The following STK32A variants were observed in gnomAD, a reference collection of about 807,000 sequenced individuals.
STK32A encodes serine/threonine kinase 32A.
STK32A carries 41 observed loss-of-function variants against 53.2 expected under a neutral mutation model. The observed-to-expected ratio is 0.77, with a 90% CI of 0.60 to 1.00. The LOEUF (loss-of-function observed/expected upper bound fraction) is 1.00. Ranked by LOEUF, STK32A falls within the 50% of genes least tolerant of loss-of-function variation. The pLI is 0.00. For synonymous variants in STK32A, 166 were observed against 162.8 expected, an observed-to-expected ratio of 1.02 and a Z score of -0.15; for missense variants, 458 against 485.8, an observed-to-expected ratio of 0.94 and a Z score of 0.54.
rs867798748 is a variant in STK32A at position 147,386,229 on chromosome 5, C to A, written c.*2246C>A. The A allele has an allele frequency of 2.0e-5, 3 of 152,148 alleles. No homozygotes were observed. Among genetic ancestry groups the A allele is most frequent in the South Asian group, 2.1e-4 (1 of 4,822 alleles). The allele number at this position is 152,148 out of a possible 1,614,324, so 9.4% of individuals were successfully genotyped here. A position where few individuals can be genotyped will look rare whatever the true frequency, so the allele number is the denominator to read the frequency against. Reference sequence around the variant, plus strand: ...AAACACTATAAACTTGAAGCAATTGCCCTGACTCGATTTCAGAGAAGGGGA... The same window carrying A: ...AAACACTATAAACTTGAAGCAATTGACCTGACTCGATTTCAGAGAAGGGGA... On this transcript the variant is annotated 3_prime_UTR_variant, in exon 13 of 13. Transcript: ENST00000397936.
chr5:147,346,273 T>C (rs1274509608), intron 6 of STK32A, among the ~76,000 whole-genome samples: 1 of 152,170 alleles, frequency 6.6e-6, no homozygotes, highest in African/African-American at 2.4e-5. Context: ...TCTCCATTTA[T>C]AATATTTCAT....
chr5:147,371,166 C>A (rs1233558025), intron 9 of STK32A, among the ~76,000 whole-genome samples: 1 of 152,082 alleles, frequency 6.6e-6, no homozygotes, highest in African/African-American at 2.4e-5. Context: ...TCTCTGTCCT[C>A]ACTACTATTT....
intron 2 of STK32A, among the ~76,000 whole-genome samples, chr5:147,267,826 T>C (rs1274106645): frequency 6.6e-6 from 1 of 152,186 alleles, no homozygotes; most frequent in Non-Finnish European, 1.5e-5. Flanking sequence ...TGACCTCCTC[T>C]GCCTGGCTAC....
At chr5:147,353,536 C>T (rs578213390) in intron 7 of STK32A, among the ~76,000 whole-genome samples, 23 of 152,098 alleles carry the variant, frequency 1.5e-4, no homozygotes, top group Admixed American at 4.6e-4. Context: ...CCGAGGCAGG[C>T]GGATCACAAG....
chr5:147,388,802 T>G (rs1757731816), downstream of STK32A, among the ~76,000 whole-genome samples: 1 of 152,190 alleles, frequency 6.6e-6, no homozygotes. Flanking sequence ...AAAGTCAATG[T>G]GTATCTTTCA....
rs566956375 is a variant in STK32A, at chr5:147,333,321, A to G, written c.434+9250A>G. Reference sequence around the variant, plus strand: ...ATTGCAAGTTGGGAGCATCTGTACGATGGTATAGATATATATAATGCATAT... The same window carrying G: ...ATTGCAAGTTGGGAGCATCTGTACGGTGGTATAGATATATATAATGCATAT... On this transcript the variant is annotated intron_variant, in intron 5 of 12. Transcript: ENST00000397936. 5.9e-5 allele frequency among the ~76,000 whole-genome samples: 9 copies of G among 152,324 alleles called. No homozygotes were observed. In the South Asian group the frequency reaches 1.9e-3, roughly 32 times the overall value.
At chr5:147,334,971 A>G (rs1004341858) in intron 5 of STK32A, among the ~76,000 whole-genome samples, 1 of 152,202 alleles carries the variant, frequency 6.6e-6, no homozygotes, top group Non-Finnish European at 1.5e-5. Flanking sequence ...TCCCTTTTGT[A>G]CATACCTATG....
Position 147,375,169 on chromosome 5 carries a change from A to G in STK32A, c.983A>G (p.Lys328Arg), listed in dbSNP as rs527429882. ...TCCAAACCTCTACATAAGAAAAAAA[A>G]GCGTCTGGCAAAGAAGGAGAAGGAT... Reference protein sequence around the residue: ...LESKPLHKKKKRLAKKEKDMR... With the variant: ...LESKPLHKKKRRLAKKEKDMR... The change falls in exon 11 of 13, where the codon AAG (lysine) becomes AGG (arginine). Residue 328 changes from lysine (K) to arginine (R), a missense_variant. Coordinates refer to ENST00000397936, the MANE Select transcript of STK32A (RefSeq NM_001112724.2). 15 of 1,610,498 alleles carry G rather than the reference A, an allele frequency of 9.3e-6. No individual in the cohort carries two copies. Among genetic ancestry groups the G allele is most frequent in the Non-Finnish European group, 1.1e-5 (13 of 1,178,352 alleles).
chr5:147,358,539 C>T (rs1223701623), intron 7 of STK32A, among the ~76,000 whole-genome samples: 1 of 152,106 alleles, frequency 6.6e-6, no homozygotes, highest in Non-Finnish European at 1.5e-5. Flanking sequence ...AAATGGCTAT[C>T]AACAATGGGA....
chr5:147,377,403 T>C (rs1416413174), intron 11 of STK32A, among the ~76,000 whole-genome samples: 4 of 152,160 alleles, frequency 2.6e-5, no homozygotes, highest in Admixed American at 2.0e-4. Context: ...AGCTCAATGT[T>C]TGAGCTTCCT....
intron 5 of STK32A, chr5:147,342,382 A>G (rs1755467926): frequency 6.6e-6 from 1 of 152,578 alleles, no homozygotes; most frequent in Non-Finnish European, 1.5e-5. Flanking sequence ...TTTGACCCAG[A>G]AATGAAAAAT....
intron 2 of STK32A, among the ~76,000 whole-genome samples, chr5:147,261,206 A>C (rs1191405360): frequency 1.3e-5 from 2 of 152,186 alleles, no homozygotes; most frequent in African/African-American, 4.8e-5. Context: ...TGTTATATAT[A>C]AAGTTTTAGT....
chr5:147,391,615 G>A (rs1179724507), downstream of STK32A: 2 of 152,160 alleles, frequency 1.3e-5, no homozygotes, highest in East Asian at 1.9e-4. Context: ...ACTCACCATT[G>A]TTTTCTTTTC....
At chr5:147,244,393 C>T (rs1753701514) in intron 2 of STK32A, among the ~76,000 whole-genome samples, 1 of 152,114 alleles carries the variant, frequency 6.6e-6, no homozygotes, top group Non-Finnish European at 1.5e-5. Context: ...TGGGTATATA[C>T]CTAGTAGTGG....
rs750326307 is a variant in STK32A, at chr5:147,386,586, C to T, written c.*2603C>T. The T allele has an allele frequency of 2.6e-5, 4 of 152,204 alleles. No individual in the cohort carries two copies. The highest frequency in any genetic ancestry group is 5.9e-5 in the Non-Finnish European group (4 of 68,042). 9.4% of individuals were successfully genotyped at this position (152,204 alleles called of 1,614,324 possible). On this transcript the variant is annotated 3_prime_UTR_variant, in exon 13 of 13. Coordinates refer to ENST00000397936, the MANE Select transcript of STK32A (RefSeq NM_001112724.2). ...TTTATGATGGGATGGGAACCCGATA[C>T]AATCTCTGTAGGCTGAATCCCTAGT... is the stretch of plus-strand genomic sequence containing the variant.
rs139289074 is a variant in STK32A at position 147,237,635 on chromosome 5, C to A, written c.-96-1904C>A. On this transcript the variant is annotated intron_variant, in intron 1 of 12. Coordinates refer to ENST00000397936, the MANE Select transcript of STK32A (RefSeq NM_001112724.2). ...TGTGACCACCTACCCCTACTCACTC[C>A]CTCTCTCATACCATTTAATTGGTTG... is the stretch of plus-strand genomic sequence containing the variant. 4.4e-3 allele frequency among the ~76,000 whole-genome samples: 672 copies of A among 152,220 alleles called. 7 individuals are homozygous for A. The highest frequency in any genetic ancestry group is 0.016 in the African/African-American group (652 of 41,522).
chr5:147,309,849 G>A (rs12659800), intron 4 of STK32A, among the ~76,000 whole-genome samples: 11,217 of 152,144 alleles, frequency 0.074, 773 homozygotes, highest in East Asian at 0.21. Flanking sequence ...TGATGACAAA[G>A]CTGGATTCTA....
At chr5:147,291,138 T>A (rs1026065378) in intron 4 of STK32A, among the ~76,000 whole-genome samples, 4 of 152,116 alleles carry the variant, frequency 2.6e-5, no homozygotes, top group Non-Finnish European at 4.4e-5. Flanking sequence ...ATTGTGCATA[T>A]CTCATATAGC....
chr5:147,316,142 G>A (rs1045744825), intron 4 of STK32A, among the ~76,000 whole-genome samples: 38 of 152,164 alleles, frequency 2.5e-4, no homozygotes, highest in African/African-American at 9.2e-4. Flanking sequence ...AAAGTGTTGA[G>A]TGTATACAGT....
Sources: gnomAD v4.1 joint callset for allele counts (sites outside exome capture counted in the v4.1 genomes callset) on GRCh38, gnomAD v4.1.1 for gene constraint, MANE v1.5 for transcripts, NCBI Gene and HGNC (gene_info 2026-07-23, HGNC 2026-07-21) for gene names.